RALYL: variants seen among roughly 807,000 people sequenced by gnomAD.
RALYL encodes RALY RNA binding protein like, also known as RNA-binding Raly-like protein.
A neutral mutation model predicts 35.1 loss-of-function variants in RALYL; 29 were observed. The ratio of observed to expected loss-of-function variants is 0.83; its 90% CI spans 0.61 to 1.13. The LOEUF (loss-of-function observed/expected upper bound fraction) is 1.13. RALYL is among the 50% of genes most tolerant of loss of function. The pLI is 0.00. For synonymous variants in RALYL, 120 were observed against 127.6 expected (o/e 0.94, Z 0.40); for missense variants, 359 against 360.4 (o/e 1.00, Z 0.03).
At chr8:84,885,743 T>G (rs917022318) in intron 7 of RALYL, among the ~76,000 whole-genome samples, 1 of 152,200 alleles carries the variant, frequency 6.6e-6, no homozygotes, top group Non-Finnish European at 1.5e-5. Flanking sequence ...ACCAGCTCTT[T>G]TTCTCCTCTG....
intron 2 of RALYL, among the ~76,000 whole-genome samples, chr8:84,750,031 G>T (rs559321856): frequency 1.3e-5 from 2 of 152,234 alleles, no homozygotes; most frequent in African/African-American, 4.8e-5. Context: ...GAACCTAGCT[G>T]CTCCAGCCAG....
chr8:84,829,140 C>T (rs913850713), intron 4 of RALYL, among the ~76,000 whole-genome samples: 2 of 152,002 alleles, frequency 1.3e-5, no homozygotes, highest in African/African-American at 4.8e-5. Context: ...TGATGGCAGG[C>T]AAGAGAGCAT....
intron 2 of RALYL, among the ~76,000 whole-genome samples, chr8:84,701,031 T>C (rs1170435117): frequency 6.6e-6 from 1 of 152,148 alleles, no homozygotes; most frequent in Non-Finnish European, 1.5e-5. Context: ...AAGCCAGTGT[T>C]ACCACAGGGG....
chr8:84,685,803 A>C (rs1267761999), intron 2 of RALYL, among the ~76,000 whole-genome samples: 1 of 152,210 alleles, frequency 6.6e-6, no homozygotes, highest in Non-Finnish European at 1.5e-5. Flanking sequence ...AGAAACACAT[A>C]CATGATACAA....
At position 84,704,471 on chromosome 8, in the gene RALYL, ACACACACAC is replaced by A. The variant is rs562698193; in HGVS notation, c.257-70107_257-70099del. Reference sequence around the variant, plus strand: ...GACACACACACACACACACACACACACACACACACACAACAACTCATTTATTCCACAAAT... The same window carrying A: ...GACACACACACACACACACACACACAACAACAACTCATTTATTCCACAAAT... On this transcript the variant is annotated intron_variant, in intron 2 of 8. Transcript: ENST00000521268. Among the ~76,000 whole-genome samples, 596 of 136,028 alleles carry A rather than the reference ACACACACAC, an allele frequency of 4.4e-3. 3 individuals are homozygous for A. The highest frequency in any genetic ancestry group is 0.016 in the African/African-American group (540 of 33,054). The allele number at this position is 136,028 out of a possible 152,430, so 89.2% of individuals were successfully genotyped here.
intron 2 of RALYL, among the ~76,000 whole-genome samples, chr8:84,717,426 T>C (rs1201331312): frequency 6.6e-6 from 1 of 152,160 alleles, no homozygotes; most frequent in African/African-American, 2.4e-5. Context: ...CTGGCAGCAA[T>C]TAATCAACAG....
At chr8:84,599,238 C>T (rs929272148) in intron 2 of RALYL, among the ~76,000 whole-genome samples, 2 of 151,828 alleles carry the variant, frequency 1.3e-5, no homozygotes, top group Admixed American at 1.3e-4. Flanking sequence ...CATATATGTG[C>T]TATGATTATA....
At position 84,473,939 on chromosome 8, in the gene RALYL, CA is replaced by C. The variant is rs933746845; in HGVS notation, c.-23-55355del. Among the ~76,000 whole-genome samples, 20 of 151,914 alleles carry C rather than the reference CA, an allele frequency of 1.3e-4. 2 individuals are homozygous for C. The South Asian group carries it at 3.9e-3, about 30-fold the overall frequency. On this transcript the variant is annotated intron_variant, in intron 1 of 8. Transcript: ENST00000521268. ...AATAAAATTTTTAAATTCTTTGTCT[CA>C]AAAATAAAATGGAATTTGGTTCATT...
chr8:84,294,168 G>C (rs1357952748), intron 1 of RALYL, among the ~76,000 whole-genome samples: 1 of 151,986 alleles, frequency 6.6e-6, no homozygotes, highest in Non-Finnish European at 1.5e-5. Flanking sequence ...TACATACTTA[G>C]AAATGTGGTT....
At chr8:84,205,142 T>C (rs1458629836) in intron 1 of RALYL, among the ~76,000 whole-genome samples, 1 of 152,244 alleles carries the variant, frequency 6.6e-6, no homozygotes, top group African/African-American at 2.4e-5. Context: ...TTATATACAT[T>C]GTTATATTTT....
chr8:84,572,181 G>A (rs1808163271), intron 2 of RALYL, among the ~76,000 whole-genome samples: 1 of 151,700 alleles, frequency 6.6e-6, no homozygotes, highest in African/African-American at 2.4e-5. Flanking sequence ...TGGGTCTCTT[G>A]TATGCAGCAG....
chr8:84,437,277 C>T (rs1389895898), intron 1 of RALYL, among the ~76,000 whole-genome samples: 1 of 152,064 alleles, frequency 6.6e-6, no homozygotes, highest in African/African-American at 2.4e-5. Flanking sequence ...CATCAATGGG[C>T]CATAGGTTGA....
rs73295631 is a variant in RALYL at position 84,213,941 on chromosome 8, T to C, written c.-24+29517T>C. Among the ~76,000 whole-genome samples, 126 of 152,306 alleles carry C rather than the reference T, an allele frequency of 8.3e-4. 1 individual carries two copies. The highest frequency in any genetic ancestry group is 2.7e-3 in the African/African-American group (112 of 41,580). On this transcript the variant is annotated intron_variant, in intron 1 of 8. Coordinates refer to ENST00000521268, the MANE Select transcript of RALYL (RefSeq NM_173848.7). ...TTATTGAACTTTTTCATTGATATTA[T>C]TGGAATTTGAATGAAGAAAATGTGA...
intron 1 of RALYL, among the ~76,000 whole-genome samples, chr8:84,514,572 G>A (rs764939619): frequency 2.6e-5 from 4 of 152,136 alleles, no homozygotes; most frequent in African/African-American, 4.8e-5. Flanking sequence ...GGTCTAGTTT[G>A]TTCCTTCCAA....
At chr8:84,678,932 T>C in intron 2 of RALYL, 1 of 238,046 alleles carries the variant, frequency 4.2e-6, no homozygotes, top group Non-Finnish European at 8.7e-6. Context: ...CTAGGCAGAT[T>C]AAGCAGGTTG....
chr8:84,514,672 G>A (rs1454931904), intron 1 of RALYL, among the ~76,000 whole-genome samples: 2 of 152,200 alleles, frequency 1.3e-5, no homozygotes, highest in East Asian at 1.9e-4. Context: ...TACCACATAC[G>A]GGTCTAAATT....
chr8:84,279,164 C>T (rs762277307), intron 1 of RALYL, among the ~76,000 whole-genome samples: 1 of 152,168 alleles, frequency 6.6e-6, no homozygotes, highest in African/African-American at 2.4e-5. Flanking sequence ...ATAAAACCGT[C>T]AGATGTCATG....
At chr8:84,691,473 T>C (rs1838038569) in intron 2 of RALYL, among the ~76,000 whole-genome samples, 1 of 152,062 alleles carries the variant, frequency 6.6e-6, no homozygotes, top group African/African-American at 2.4e-5. Flanking sequence ...GTAGTTGAAA[T>C]GACAGTGAAT....
At chr8:84,315,926 C>G (rs542518491) in intron 1 of RALYL, among the ~76,000 whole-genome samples, 12 of 151,734 alleles carry the variant, frequency 7.9e-5, no homozygotes, top group African/African-American at 2.2e-4. Flanking sequence ...TTGGTAATAA[C>G]AACCAAATAA....
Sources: gnomAD v4.1 joint callset for allele counts (sites outside exome capture counted in the v4.1 genomes callset) on GRCh38, gnomAD v4.1.1 for gene constraint, MANE v1.5 for transcripts, NCBI Gene and HGNC (gene_info 2026-07-23, HGNC 2026-07-21) for gene names.